Variants in EFEMP1 observed in about 807,000 individuals in gnomAD.
The protein encoded by EFEMP1 is EGF-like fibulin extracellular matrix protein 1.
In EFEMP1, 18 loss-of-function variants were observed where a neutral mutation model predicts 65.7. That is an observed-to-expected ratio of 0.27 (90% CI 0.19 to 0.41). The LOEUF (loss-of-function observed/expected upper bound fraction) is 0.41. Ranked by LOEUF, EFEMP1 falls within the 10% of genes least tolerant of loss-of-function variation. EFEMP1 has a pLI of 1.00. For missense variants in EFEMP1, 469 were observed against 624.8 expected, an observed-to-expected ratio of 0.75 and a Z score of 2.66; for synonymous variants, 237 against 219.7, an observed-to-expected ratio of 1.08 and a Z score of -0.70.
chr2:55,903,857 T>C (rs1459345259), intron 5 of EFEMP1, among the ~76,000 whole-genome samples: 1 of 152,176 alleles, frequency 6.6e-6, no homozygotes, highest in Non-Finnish European at 1.5e-5. Flanking sequence ...TGAGATACTT[T>C]AGGAGAATCT....
chr2:55,910,746 T>C (rs921442987), intron 5 of EFEMP1, among the ~76,000 whole-genome samples: 13 of 152,294 alleles, frequency 8.5e-5, no homozygotes, highest in African/African-American at 3.1e-4. Context: ...TCTTATAAAG[T>C]TTAAATTGAA....
chr2:55,879,715 A>G (rs1333707915), intron 6 of EFEMP1, among the ~76,000 whole-genome samples: 1 of 152,204 alleles, frequency 6.6e-6, no homozygotes, highest in Non-Finnish European at 1.5e-5. Flanking sequence ...TGCTACTTGA[A>G]GTGTGGCCTG....
At chr2:55,914,273 G>A (rs1670592026) in intron 5 of EFEMP1, among the ~76,000 whole-genome samples, 2 of 152,060 alleles carry the variant, frequency 1.3e-5, no homozygotes, top group South Asian at 4.1e-4. Context: ...CAGCGTTACT[G>A]GCTCCCACAG....
In EFEMP1 at chr2:55,876,761, T is replaced by C. The variant is rs1168964797; in HGVS notation, c.761-19A>G. On this transcript the variant is annotated intron_variant, in intron 7 of 11. Transcript: ENST00000355426. Reference sequence around the variant, plus strand: ...TTTATATCTGAAAAAAAGTTTTATATATATATATATGTATATGTATATATA... The same window carrying C: ...TTTATATCTGAAAAAAAGTTTTATACATATATATATGTATATGTATATATA... 10 of 1,446,792 alleles carry C rather than the reference T, an allele frequency of 6.9e-6. No individual in the cohort carries two copies. Among genetic ancestry groups the C allele is most frequent in the Non-Finnish European group, 9.4e-6 (10 of 1,060,394 alleles). The allele number at this position is 1,446,792 out of a possible 1,614,324, so 89.6% of individuals were successfully genotyped here. A position where few individuals can be genotyped will look rare whatever the true frequency, so the allele number is the denominator to read the frequency against.
intron 5 of EFEMP1, among the ~76,000 whole-genome samples, chr2:55,898,759 C>G (rs1669926772): frequency 6.6e-6 from 1 of 152,158 alleles, no homozygotes; most frequent in Non-Finnish European, 1.5e-5. Flanking sequence ...CCTACCTCAA[C>G]TGTCTTCCAA....
At chr2:55,887,855 T>C (rs1340935289) in intron 5 of EFEMP1, among the ~76,000 whole-genome samples, 1 of 152,218 alleles carries the variant, frequency 6.6e-6, no homozygotes, top group Non-Finnish European at 1.5e-5. Context: ...TTGCATTGTG[T>C]TCTATCAGAA....
rs187280049 is a variant in EFEMP1, at chr2:55,875,090, A to C, written c.881-25T>G. ...TCTGTTGAATTAGACAAGAGAAAGG[A>C]CACAGAGTTGAAAAGTTTGTGCACC... On this transcript the variant is annotated intron_variant, in intron 8 of 11. Coordinates refer to ENST00000355426, the MANE Select transcript of EFEMP1 (RefSeq NM_001039348.3). 339 of 1,567,190 alleles carry C rather than the reference A, an allele frequency of 2.2e-4. No individual in the cohort carries two copies. The African/African-American group carries it at 2.5e-3, about 12-fold the overall frequency.
chr2:55,876,879 A>T (rs1306265293), intron 7 of EFEMP1, 137 bp from the exon 8 acceptor site: 1 of 418,760 alleles, frequency 2.4e-6, no homozygotes, highest in Non-Finnish European at 3.8e-6. Context: ...TAGCTGAATT[A>T]TTTGCCCTGC....
At chr2:55,880,009 A>T (rs1197926780) in intron 6 of EFEMP1, among the ~76,000 whole-genome samples, 1 of 152,200 alleles carries the variant, frequency 6.6e-6, no homozygotes, top group Non-Finnish European at 1.5e-5. Flanking sequence ...ACAGTGAAAT[A>T]AGAATTTGCC....
Position 55,875,028 on chromosome 2 carries a change from T to C in EFEMP1, c.918A>G (p.Gln306=), listed in dbSNP as rs1476856846. The C allele has an allele frequency of 1.1e-5, 18 of 1,607,566 alleles. No individual in the cohort carries two copies. Among genetic ancestry groups the C allele is most frequent in the Non-Finnish European group, 1.4e-5 (17 of 1,176,298 alleles). The change falls in exon 9 of 12, where the codon CAA becomes CAG. Residue 306 remains glutamine (Q), a synonymous_variant. Coordinates refer to ENST00000355426, the MANE Select transcript of EFEMP1 (RefSeq NM_001039348.3). ...TCCCAGGTTCATTGACACATTGATA[T>C]TGACACAGGTAGCTTGAGGTTCTGC... ...DECRTSSYLC[Q]YQCVNEPGKF...
Position 55,877,528 on chromosome 2 carries a change from CCA to C in EFEMP1, c.760+216_760+217del, listed in dbSNP as rs761934237. Among the ~76,000 whole-genome samples, 1 of 152,130 alleles carries C rather than the reference CCA, an allele frequency of 6.6e-6. No homozygotes were observed. Among genetic ancestry groups the C allele is most frequent in the Non-Finnish European group, 1.5e-5 (1 of 68,024 alleles). Reference sequence around the variant, plus strand: ...TGTAGTTTTAAATTTGTTGATCTATCCACAGAGGAGAACTAAAACCAAAGTTA... The same window carrying C: ...TGTAGTTTTAAATTTGTTGATCTATCCAGAGGAGAACTAAAACCAAAGTTA... On this transcript the variant is annotated intron_variant, in intron 7 of 11. Transcript: ENST00000355426. This position sits in a 1 kb window ranked among gnomAD's most constrained non-coding sequence, Gnocchi z 4.5.
intron 8 of EFEMP1, among the ~76,000 whole-genome samples, chr2:55,875,378 T>TG (rs1232948444): frequency 1.5e-5 from 2 of 134,384 alleles, no homozygotes; most frequent in African/African-American, 6.8e-5. Context: ...ATATATTTTT[T>TG]TTGTTCTGCT....
intron 5 of EFEMP1, among the ~76,000 whole-genome samples, chr2:55,891,267 C>T (rs1215592548): frequency 6.6e-6 from 1 of 152,040 alleles, no homozygotes; most frequent in South Asian, 2.1e-4. Context: ...AATACACAAA[C>T]GATTCAATGT....
In EFEMP1 at chr2:55,877,873, A is replaced by G; in HGVS notation, c.641-8T>C. 1 of 1,612,848 alleles carries G rather than the reference A, an allele frequency of 6.2e-7. No homozygotes were observed. The highest frequency in any genetic ancestry group is 1.3e-5 in the African/African-American group (1 of 74,998). On this transcript the variant is annotated splice_region_variant and splice_polypyrimidine_tract_variant and intron_variant, in intron 6 of 11. Transcript: ENST00000355426. The surrounding 1 kb of genome is among the most constrained non-coding windows in gnomAD (Gnocchi z 4.5). The stretch of plus-strand genomic sequence containing the variant: ...TGGTACATTCATCTATGTCTAGGTT[A>G]TCAGGCACACACACAAAGAGAACCA...
chr2:55,922,902 G>A lies in EFEMP1; in HGVS notation c.-11C>T. The A allele has an allele frequency of 9.1e-7, 1 of 1,102,168 alleles. No homozygotes were observed. Among genetic ancestry groups the A allele is most frequent in the Non-Finnish European group, 1.1e-6 (1 of 898,530 alleles). 68.3% of individuals were successfully genotyped at this position (1,102,168 alleles called of 1,614,324 possible). A position where few individuals can be genotyped will look rare whatever the true frequency, so the allele number is the denominator to read the frequency against. On this transcript the variant is annotated 5_prime_UTR_variant, in exon 2 of 12. Coordinates refer to ENST00000355426, the MANE Select transcript of EFEMP1 (RefSeq NM_001039348.3). This position sits in a 1 kb window ranked among gnomAD's most constrained non-coding sequence, Gnocchi z 5.5. ...AAGGCTTTCCCAGTATACTCACCTTGAGCTAGCAGAGTTCCTTGCACAGCA... is the reference window on the plus strand; with the variant it reads ...AAGGCTTTCCCAGTATACTCACCTTAAGCTAGCAGAGTTCCTTGCACAGCA...
Position 55,877,273 on chromosome 2 carries a change from C to G in EFEMP1, c.760+473G>C, listed in dbSNP as rs1188920632. The stretch of plus-strand genomic sequence containing the variant: ...CGGAGTTTTGCAATGCTCTAAAGCA[C>G]TGAAAATATTGTGAAAAGGCATTTT... On this transcript the variant is annotated intron_variant, in intron 7 of 11. Transcript: ENST00000355426. The surrounding 1 kb of genome is among the most constrained non-coding windows in gnomAD (Gnocchi z 4.5). Among the ~76,000 whole-genome samples the G allele has an allele frequency of 6.6e-6, 1 of 152,080 alleles. No individual in the cohort carries two copies.
chr2:55,922,718 G>T lies in EFEMP1; in HGVS notation c.-8+181C>A. 2.2e-6 allele frequency: 1 copy of T among 454,594 alleles called. No individual in the cohort carries two copies. Among genetic ancestry groups the T allele is most frequent in the African/African-American group, 2.0e-5 (1 of 49,368 alleles). The allele number at this position is 454,594 out of a possible 1,614,324, so 28.2% of individuals were successfully genotyped here. On this transcript the variant is annotated intron_variant, in intron 2 of 11. Coordinates refer to ENST00000355426, the MANE Select transcript of EFEMP1 (RefSeq NM_001039348.3). The surrounding 1 kb of genome is among the most constrained non-coding windows in gnomAD (Gnocchi z 5.5). The stretch of plus-strand genomic sequence containing the variant: ...TGTTTACATACAAAAGACATTCAGC[G>T]TGCATTTTATACTGCACCTACAAAG...
intron 5 of EFEMP1, among the ~76,000 whole-genome samples, chr2:55,910,252 G>A (rs571373048): frequency 6.6e-6 from 1 of 152,138 alleles, no homozygotes; most frequent in African/African-American, 2.4e-5. Flanking sequence ...CTACAAACCT[G>A]CAATTCTTTT....
In EFEMP1 at chr2:55,912,402, T is replaced by G. The variant is rs188962510; in HGVS notation, c.517+5263A>C. 3.6e-3 allele frequency among the ~76,000 whole-genome samples: 542 copies of G among 152,290 alleles called. 2 individuals are homozygous for G. The highest frequency in any genetic ancestry group is 0.012 in the African/African-American group (516 of 41,558). On this transcript the variant is annotated intron_variant, in intron 5 of 11. Coordinates refer to ENST00000355426, the MANE Select transcript of EFEMP1 (RefSeq NM_001039348.3). ...TAAGCCACTTGGTTACACTATGATT[T>G]TCTAATTCTCTTCTGGATATAAGAT...
Sources: allele counts gnomAD v4.1 joint callset (sites outside exome capture counted in the v4.1 genomes callset), GRCh38; gene constraint gnomAD v4.1.1; non-coding constraint Gnocchi (gnomAD v3.1); transcripts MANE v1.5; gene names NCBI Gene and HGNC (gene_info 2026-07-23, HGNC 2026-07-21).